Variants in FAM53A observed in about 807,000 individuals in gnomAD.
The protein encoded by FAM53A is family with sequence similarity 53 member A.
Under a neutral mutation model 26.6 loss-of-function variants are expected in FAM53A, and 28 were observed. The ratio of observed to expected loss-of-function variants is 1.05; its 90% CI spans 0.78 to 1.45. The LOEUF (loss-of-function observed/expected upper bound fraction) is 1.45. Among genes scored for constraint, FAM53A ranks in the 40% most tolerant of loss-of-function variants. The probability of loss-of-function intolerance (pLI) is 0.00; values close to 1 mark genes in which losing one functional copy is unlikely to be tolerated. For missense variants in FAM53A, 650 were observed against 575.8 expected (o/e 1.13, Z -1.32); for synonymous variants, 290 against 253.1 (o/e 1.15, Z -1.38).
chr4:1,665,487 C>CAA (rs202247352), intron 2 of FAM53A, among the ~76,000 whole-genome samples: 2 of 101,886 alleles, frequency 2.0e-5, no homozygotes, highest in Non-Finnish European at 2.1e-5. Context: ...GACTCCATCT[C>CAA]AAAAAAAAAA....
intron 4 of FAM53A, 77 bp from the exon 5 acceptor site, chr4:1,641,684 G>C: frequency 6.7e-7 from 1 of 1,483,864 alleles, no homozygotes. Context: ...ACCCATCGAG[G>C]GCTCGGTGTG....
intron 1 of FAM53A, among the ~76,000 whole-genome samples, chr4:1,682,713 T>G (rs1207048919): frequency 6.6e-6 from 1 of 152,000 alleles, no homozygotes; most frequent in African/African-American, 2.4e-5. Context: ...CATCATTGCA[T>G]GTGAGCAACT....
Position 1,633,848 on chromosome 4 carries a change from TA to T in FAM53A, c.432-15738del, listed in dbSNP as rs200528636. 2.1e-3 allele frequency among the ~76,000 whole-genome samples: 318 copies of T among 149,632 alleles called. 1 individual carries two copies. Among genetic ancestry groups the T allele is most frequent in the Admixed American group, 3.3e-3 (50 of 14,976 alleles). On this transcript the variant is annotated intron_variant, in intron 1 of 1. Transcript: ENST00000489029. ...TACCAGAATTAACTTAAAGAGGTTT[TA>T]AAAAAAAAATCTATATCCATAACTG... is the stretch of plus-strand genomic sequence containing the variant.
In FAM53A at chr4:1,642,573, G is replaced by GTC. The variant is rs1389508029; in HGVS notation, c.883-968_883-967dup. ...TCCACCCAGGCGTGCTCTCTTGGGCGTCTCCAGGGCCCTGAGACCCAGCAG... is the reference window on the plus strand; with the variant it reads ...TCCACCCAGGCGTGCTCTCTTGGGCGTCTCTCCAGGGCCCTGAGACCCAGCAG... On this transcript the variant is annotated intron_variant, in intron 4 of 4. Coordinates refer to ENST00000308132, the MANE Select transcript of FAM53A (RefSeq NM_001174070.3). 5.9e-5 allele frequency among the ~76,000 whole-genome samples: 9 copies of GTC among 152,278 alleles called. No individual in the cohort carries two copies. In the East Asian group the frequency reaches 1.7e-3, roughly 29 times the overall value.
rs1711611078 is a variant in FAM53A at position 1,640,756 on chromosome 4, G to A, written c.*537C>T. 1 of 366,068 alleles carries A rather than the reference G, an allele frequency of 2.7e-6. No individual in the cohort carries two copies. Among genetic ancestry groups the A allele is most frequent in the Non-Finnish European group, 5.1e-6 (1 of 197,566 alleles). The allele number at this position is 366,068 out of a possible 1,614,324, so 22.7% of individuals were successfully genotyped here. A position where few individuals can be genotyped will look rare whatever the true frequency, so the allele number is the denominator to read the frequency against. On this transcript the variant is annotated 3_prime_UTR_variant, in exon 5 of 5. Transcript: ENST00000308132. ...CACAGGAAACCTACTCTGTGCCCCA[G>A]GGCAGGTGCCGGTGGCAGCCATGGC...
At chr4:1,661,990 C>T (rs1470522385) in intron 2 of FAM53A, among the ~76,000 whole-genome samples, 1 of 152,020 alleles carries the variant, frequency 6.6e-6, no homozygotes, top group Admixed American at 6.6e-5. Flanking sequence ...ATTTACACAC[C>T]ACTCTCGAGA....
chr4:1,639,279 A>C (rs1711506516), downstream of FAM53A, among the ~76,000 whole-genome samples: 1 of 151,964 alleles, frequency 6.6e-6, no homozygotes, highest in Non-Finnish European at 1.5e-5. Context: ...CGCCCGCCCC[A>C]CCCCAAATCC....
At chr4:1,607,074 AGTGGC>A in the FAM53A span, among the ~76,000 whole-genome samples, 15 of 152,190 alleles carry the variant, frequency 9.9e-5, no homozygotes, top group Non-Finnish European at 1.5e-4. Flanking sequence ...GCTGGAGTGC[AGTGGC>A]CCGATCTCAG....
chr4:1,585,051 G>C, the FAM53A span, among the ~76,000 whole-genome samples: 4 of 152,084 alleles, frequency 2.6e-5, no homozygotes, highest in African/African-American at 9.7e-5. Context: ...TTGTGGAATG[G>C]CTAAATTTAG....
At chr4:1,588,582 T>C in the FAM53A span, among the ~76,000 whole-genome samples, 1 of 152,160 alleles carries the variant, frequency 6.6e-6, no homozygotes, top group Non-Finnish European at 1.5e-5. Flanking sequence ...CTTCCACCAA[T>C]GCCAGTAAGG....
At chr4:1,575,637 G>A in the FAM53A span, among the ~76,000 whole-genome samples, 5 of 152,054 alleles carry the variant, frequency 3.3e-5, no homozygotes, top group African/African-American at 7.2e-5. Context: ...GGAGGGAGGG[G>A]TCTCCATGAT....
chr4:1,649,539 A>C (rs1712562382), intron 4 of FAM53A, among the ~76,000 whole-genome samples: 1 of 152,290 alleles, frequency 6.6e-6, no homozygotes, highest in East Asian at 1.9e-4. Flanking sequence ...GGTGAGGACC[A>C]GGTCACACAG....
At chr4:1,600,052 G>A in the FAM53A span, among the ~76,000 whole-genome samples, 1 of 152,246 alleles carries the variant, frequency 6.6e-6, no homozygotes, top group Middle Eastern at 3.4e-3. Flanking sequence ...CTATGGTTGG[G>A]GCACAGGCCA....
chr4:1,619,160 A>T (rs1577079492), intron 1 of FAM53A, among the ~76,000 whole-genome samples: 1 of 152,216 alleles, frequency 6.6e-6, no homozygotes, highest in African/African-American at 2.4e-5. Flanking sequence ...CCTGAGCTCC[A>T]GCACCTTCTA....
At chr4:1,678,994 C>T (rs1577159724) in intron 1 of FAM53A, among the ~76,000 whole-genome samples, 1 of 151,584 alleles carries the variant, frequency 6.6e-6, no homozygotes, top group Non-Finnish European at 1.5e-5. Context: ...ACTGAAGGCA[C>T]GATCCATAAA....
chr4:1,609,209 C>A, the FAM53A span, among the ~76,000 whole-genome samples: 6 of 151,980 alleles, frequency 3.9e-5, no homozygotes, highest in African/African-American at 1.2e-4. Context: ...TGCCTGGGGT[C>A]CCCCACTCTC....
At chr4:1,621,695 G>A (rs1396823695) in intron 1 of FAM53A, among the ~76,000 whole-genome samples, 2 of 152,238 alleles carry the variant, frequency 1.3e-5, no homozygotes, top group Non-Finnish European at 2.9e-5. Context: ...ATCCAAGGCT[G>A]TCACAAGGTC....
intron 1 of FAM53A, among the ~76,000 whole-genome samples, chr4:1,632,058 G>A (rs1715631072): frequency 1.3e-5 from 2 of 151,924 alleles, no homozygotes; most frequent in Admixed American, 1.3e-4. Context: ...CAGCTACTCA[G>A]GAGGGTGAGG....
chr4:1,675,980 G>A (rs1187327087), intron 1 of FAM53A, among the ~76,000 whole-genome samples: 5 of 152,340 alleles, frequency 3.3e-5, no homozygotes, highest in African/African-American at 7.2e-5. Flanking sequence ...CTCGGCTGGC[G>A]GCTCTGGCCA....
Sources: gnomAD v4.1 joint callset for allele counts (sites outside exome capture counted in the v4.1 genomes callset) on GRCh38, gnomAD v4.1.1 for gene constraint, MANE v1.5 for transcripts, NCBI Gene and HGNC (gene_info 2026-07-23, HGNC 2026-07-21) for gene names.